The following UTP4 variants were observed in gnomAD, a reference collection of about 807,000 sequenced individuals.
UTP4 encodes UTP4 small subunit processome component.
In UTP4, 45 loss-of-function variants were observed where a neutral mutation model predicts 82.4. The observed-to-expected ratio is 0.55, with a 90% CI of 0.43 to 0.70. UTP4 has a LOEUF of 0.70. Ranked by LOEUF, UTP4 falls within the 30% of genes least tolerant of loss-of-function variation. The probability of loss-of-function intolerance (pLI) is 0.00; values close to 1 mark genes in which losing one functional copy is unlikely to be tolerated. For missense variants in UTP4, 819 were observed against 858.3 expected (o/e 0.95, Z 0.57); for synonymous variants, 348 against 300.3 (o/e 1.16, Z -1.64).
chr16:69,154,184 T>A (rs1820914919), intron 9 of UTP4, among the ~76,000 whole-genome samples: 2 of 152,152 alleles, frequency 1.3e-5, no homozygotes, highest in African/African-American at 4.8e-5. Context: ...AGGGAATTAG[T>A]GATGTATCAG....
Position 69,163,151 on chromosome 16 carries a change from C to A in UTP4, c.1620C>A (p.Asn540Lys), listed in dbSNP as rs1340055594. Residue 540 changes from asparagine (N) to lysine (K), a missense_variant, in exon 14 of 17, where the codon AAC (asparagine) becomes AAA (lysine). Coordinates refer to ENST00000314423, the MANE Select transcript of UTP4 (RefSeq NM_032830.3). ...TAMAIAPNTN[N>K]LVIAHSDQQV... ...TGGCTATTGCCCCCAATACCAACAACCTTGTCATCGCTCATTCGGACCAGC... is the reference window on the plus strand; with the variant it reads ...TGGCTATTGCCCCCAATACCAACAAACTTGTCATCGCTCATTCGGACCAGC... 2 of 1,613,990 alleles carry A rather than the reference C, an allele frequency of 1.2e-6. No individual in the cohort carries two copies. The highest frequency in any genetic ancestry group is 1.7e-5 in the Admixed American group (1 of 60,016).
At chr16:69,143,502 G>T (rs1341021702) in intron 6 of UTP4, 113 bp downstream of exon 6, 10 of 929,128 alleles carry the variant, frequency 1.1e-5, no homozygotes, top group Admixed American at 9.8e-5. Context: ...TGTTGTACTG[G>T]AGGAAGATGA....
At chr16:69,145,348 T>C (rs1963080525) in intron 6 of UTP4, among the ~76,000 whole-genome samples, 1 of 151,614 alleles carries the variant, frequency 6.6e-6, no homozygotes, top group Admixed American at 6.6e-5. Context: ...ACAACCTCTG[T>C]CTCCTGGGTT....
Position 69,153,592 on chromosome 16 carries a change from C to T in UTP4, c.1011C>T (p.Leu337=), listed in dbSNP as rs1471934777. The change falls in exon 9 of 17, where the codon CTC becomes CTT. Residue 337 remains leucine (L), a synonymous_variant. Transcript: ENST00000314423. ...LRKITFPHRC[L]ISCSKKRQLL... ...TTGATTCTTGGATATAGCGATGTCT[C>T]ATCTCCTGTTCTAAAAAGAGGCAGC... 2 of 1,612,312 alleles carry T rather than the reference C, an allele frequency of 1.2e-6. No individual in the cohort carries two copies. Among genetic ancestry groups the T allele is most frequent in the Admixed American group, 1.7e-5 (1 of 59,938 alleles).
chr16:69,151,287 G>A (rs1963257665), intron 8 of UTP4, among the ~76,000 whole-genome samples: 1 of 149,906 alleles, frequency 6.7e-6, no homozygotes, highest in Non-Finnish European at 1.5e-5. Flanking sequence ...TATTACAAGT[G>A]TGAGCCACCA....
At chr16:69,138,952 G>A (rs2152277107) in intron 4 of UTP4, 1 of 149,890 alleles carries the variant, frequency 6.7e-6, no homozygotes, top group East Asian at 2.0e-4. Context: ...ATATATCTTG[G>A]GTGCTCTTTT....
intron 12 of UTP4, among the ~76,000 whole-genome samples, chr16:69,158,214 G>A (rs1490502386): frequency 8.9e-6 from 1 of 112,306 alleles, no homozygotes; most frequent in Non-Finnish European, 1.7e-5. Context: ...CTCTGTTGCC[G>A]AGGCTGGAGT....
chr16:69,161,956 C>T (rs1963572617), intron 13 of UTP4, among the ~76,000 whole-genome samples: 1 of 151,874 alleles, frequency 6.6e-6, no homozygotes, highest in Non-Finnish European at 1.5e-5. Context: ...AGCCACTGCG[C>T]CCAGCCAATA....
chr16:69,133,660 T>G lies in UTP4; in HGVS notation c.159+42T>G, dbSNP rs369986367. 670 of 1,599,172 alleles carry G rather than the reference T, an allele frequency of 4.2e-4. 1 individual carries two copies. Among genetic ancestry groups the G allele is most frequent in the Non-Finnish European group, 5.5e-4 (637 of 1,166,916 alleles). ...TCTGATATGGTGTTTTGATGTTAAT[T>G]TCTTCTGAAGTTCAAGAAGCTTGTA... On this transcript the variant is annotated intron_variant, in intron 2 of 16. Coordinates refer to ENST00000314423, the MANE Select transcript of UTP4 (RefSeq NM_032830.3).
At chr16:69,154,704 T>TTTTTTTTA (rs150718265) in intron 10 of UTP4, among the ~76,000 whole-genome samples, 1 of 147,024 alleles carries the variant, frequency 6.8e-6, no homozygotes, top group African/African-American at 2.5e-5. Flanking sequence ...AATAATGTGC[T>TTTTTTTTA]TTTATTTATT....
intron 5 of UTP4, chr16:69,142,042 T>C (rs941441630): frequency 1.4e-5 from 2 of 147,834 alleles, no homozygotes; most frequent in African/African-American, 5.0e-5. Context: ...CAAGTGTTTT[T>C]CACTCTGCCT....
chr16:69,135,286 C>T (rs1470660645), intron 2 of UTP4, among the ~76,000 whole-genome samples: 1 of 152,118 alleles, frequency 6.6e-6, no homozygotes, highest in Non-Finnish European at 1.5e-5. Flanking sequence ...TTTTCTCCTT[C>T]ATCTGTTTTC....
intron 2 of UTP4, among the ~76,000 whole-genome samples, chr16:69,135,394 C>T (rs928986454): frequency 6.6e-6 from 1 of 151,914 alleles, no homozygotes; most frequent in Non-Finnish European, 1.5e-5. Context: ...CAGTGACTCT[C>T]AGAGCAAGAA....
chr16:69,149,660 G>T (rs553088090), intron 6 of UTP4, among the ~76,000 whole-genome samples: 10 of 152,152 alleles, frequency 6.6e-5, no homozygotes, highest in Non-Finnish European at 1.2e-4. Context: ...CTGAGTAGCT[G>T]GGACTACAGG....
At chr16:69,165,869 T>C (rs1291796244) in intron 15 of UTP4, 2 of 417,776 alleles carry the variant, frequency 4.8e-6, no homozygotes, top group African/African-American at 2.0e-5. Flanking sequence ...GGAAGTATCA[T>C]TGATTTGGCT....
At chr16:69,167,411 C>T (rs1368749491) in intron 16 of UTP4, 3 of 529,466 alleles carry the variant, frequency 5.7e-6, no homozygotes. Context: ...AAATGAAATG[C>T]GTAAGTAGTG....
chr16:69,161,351 AC>A (rs1963557790), intron 13 of UTP4, among the ~76,000 whole-genome samples: 1 of 152,198 alleles, frequency 6.6e-6, no homozygotes, highest in Non-Finnish European at 1.5e-5. Context: ...ATAACATCAA[AC>A]TGCAACACTT....
chr16:69,143,138 A>G (rs1475421707), intron 5 of UTP4, 40 bp from the exon 6 acceptor site: 1 of 1,600,906 alleles, frequency 6.2e-7, no homozygotes, highest in Non-Finnish European at 8.6e-7. Context: ...AAGACAGAGA[A>G]ATAAGTACCA....
chr16:69,150,486 A>G lies in UTP4; in HGVS notation c.739-51A>G, dbSNP rs371258121. 4.6e-5 allele frequency: 74 copies of G among 1,605,442 alleles called. 1 individual carries two copies. Among genetic ancestry groups the G allele is most frequent in the Non-Finnish European group, 6.1e-5 (71 of 1,172,362 alleles). On this transcript the variant is annotated intron_variant, in intron 6 of 16. Coordinates refer to ENST00000314423, the MANE Select transcript of UTP4 (RefSeq NM_032830.3). ...CAGAAAGCCTCGGAATATTTTTCCA[A>G]CCAGACCTTGTTTTGCTTACGTGTA... is the stretch of plus-strand genomic sequence containing the variant.
Sources: gnomAD v4.1 joint callset for allele counts (sites outside exome capture counted in the v4.1 genomes callset) on GRCh38, gnomAD v4.1.1 for gene constraint, MANE v1.5 for transcripts, NCBI Gene and HGNC (gene_info 2026-07-23, HGNC 2026-07-21) for gene names.